TRAF3: variants seen among roughly 807,000 people sequenced by gnomAD.
TRAF3 encodes TNF receptor-associated factor 3.
A neutral mutation model predicts 62.3 loss-of-function variants in TRAF3; 13 were observed. The ratio of observed to expected loss-of-function variants is 0.21; its 90% CI spans 0.14 to 0.33. TRAF3 has a LOEUF of 0.33. TRAF3 is among the 10% of genes least tolerant of loss of function. The pLI, the probability that TRAF3 is intolerant of heterozygous loss-of-function variation, is 1.00. For synonymous variants in TRAF3, 269 were observed against 283.4 expected, an observed-to-expected ratio of 0.95 and a Z score of 0.51; for missense variants, 440 against 741.8, an observed-to-expected ratio of 0.59 and a Z score of 4.73.
At chr14:102,894,146 G>A (rs936404117) in intron 9 of TRAF3, among the ~76,000 whole-genome samples, 1 of 152,118 alleles carries the variant, frequency 6.6e-6, no homozygotes, top group Non-Finnish European at 1.5e-5. Flanking sequence ...GGGCAACACG[G>A]TGAAACCCCG....
chr14:102,839,210 CTTT>C (rs56998347), intron 2 of TRAF3, among the ~76,000 whole-genome samples: 6 of 89,832 alleles, frequency 6.7e-5, no homozygotes, highest in African/African-American at 2.2e-4. Flanking sequence ...GTTGATTTGC[CTTT>C]TTTTTTTTTT....
chr14:102,853,644 C>T (rs8016689), intron 2 of TRAF3, among the ~76,000 whole-genome samples: 63,851 of 151,402 alleles, frequency 0.42, 18,469 homozygotes, highest in African/African-American at 0.82. Flanking sequence ...AGACCAGCCT[C>T]GCCAACATGG....
chr14:102,855,806 A>G, intron 2 of TRAF3, among the ~76,000 whole-genome samples: 1 of 151,810 alleles, frequency 6.6e-6, no homozygotes, highest in Non-Finnish European at 1.5e-5. Context: ...AAAAAAAAAA[A>G]AAAGGCCAGG....
chr14:102,815,815 C>T (rs1045691778), intron 1 of TRAF3, among the ~76,000 whole-genome samples: 4 of 152,074 alleles, frequency 2.6e-5, no homozygotes, highest in African/African-American at 9.7e-5. Context: ...CAAGAAGGAG[C>T]GTGTGTGAGT....
intron 1 of TRAF3, among the ~76,000 whole-genome samples, chr14:102,803,423 C>T (rs977327841): frequency 6.6e-5 from 10 of 152,072 alleles, no homozygotes; most frequent in Admixed American, 2.6e-4. Context: ...AGTTACCTTC[C>T]GTGTGTCTCA....
At chr14:102,901,842 A>G (rs1890319137) in intron 10 of TRAF3, among the ~76,000 whole-genome samples, 1 of 152,262 alleles carries the variant, frequency 6.6e-6, no homozygotes, top group Non-Finnish European at 1.5e-5. Context: ...TTCCAAAAGG[A>G]GAAGTGAATT....
intron 2 of TRAF3, among the ~76,000 whole-genome samples, chr14:102,841,230 G>A (rs1886355251): frequency 6.6e-6 from 1 of 152,204 alleles, no homozygotes. Flanking sequence ...GGAAAACATA[G>A]GAGAGGAGGG....
intron 1 of TRAF3, among the ~76,000 whole-genome samples, chr14:102,805,165 C>T (rs1898693807): frequency 6.6e-6 from 1 of 152,168 alleles, no homozygotes; most frequent in Non-Finnish European, 1.5e-5. Flanking sequence ...TAGTTTTGGT[C>T]TCATTATCAG....
At chr14:102,831,804 A>T (rs1342494930) in intron 2 of TRAF3, among the ~76,000 whole-genome samples, 3 of 152,060 alleles carry the variant, frequency 2.0e-5, no homozygotes, top group African/African-American at 4.8e-5. Flanking sequence ...CAGTTTTATC[A>T]TTCATCATCA....
intron 2 of TRAF3, 124 bp downstream of exon 2, chr14:102,830,596 CCTT>C (rs1900618488): frequency 6.6e-6 from 1 of 152,236 alleles, no homozygotes; most frequent in African/African-American, 2.4e-5. Context: ...TCTTGTCTTC[CCTT>C]CTTCTGGTTA....
At chr14:102,787,875 A>G (rs1897585712) in intron 1 of TRAF3, among the ~76,000 whole-genome samples, 1 of 130,534 alleles carries the variant, frequency 7.7e-6, no homozygotes, top group African/African-American at 2.9e-5. Context: ...TTTTTTTGAG[A>G]TGGAGTCTCC....
At chr14:102,837,687 A>G (rs1886113024) in intron 2 of TRAF3, among the ~76,000 whole-genome samples, 1 of 152,100 alleles carries the variant, frequency 6.6e-6, no homozygotes, top group Non-Finnish European at 1.5e-5. Flanking sequence ...GGATGCATCT[A>G]TTGGGCTTTA....
intron 2 of TRAF3, among the ~76,000 whole-genome samples, chr14:102,844,143 A>G (rs1338493537): frequency 6.6e-6 from 1 of 152,250 alleles, no homozygotes; most frequent in Non-Finnish European, 1.5e-5. Context: ...AAACACATAC[A>G]TATGTTGTCA....
At chr14:102,869,004 C>T (rs534862618) in intron 2 of TRAF3, among the ~76,000 whole-genome samples, 5 of 152,266 alleles carry the variant, frequency 3.3e-5, no homozygotes, top group East Asian at 1.9e-4. Flanking sequence ...GAAGAGAGTC[C>T]GCGCAGACAG....
In TRAF3 at chr14:102,876,344, G is replaced by A. The variant is rs371219336; in HGVS notation, c.403-14G>A. 1.9e-5 allele frequency: 31 copies of A among 1,613,614 alleles called. No homozygotes were observed. In the Admixed American group the frequency reaches 2.8e-4, roughly 15 times the overall value. ...TTTTTCCCAATTAAGAACATTGAAT[G>A]GTCTGTCTTACAGGTGCATTTAAAA... On this transcript the variant is annotated splice_polypyrimidine_tract_variant and intron_variant, in intron 5 of 11. Transcript: ENST00000392745.
At chr14:102,855,804 A>G (rs1468994291) in intron 2 of TRAF3, among the ~76,000 whole-genome samples, 1 of 151,972 alleles carries the variant, frequency 6.6e-6, no homozygotes, top group Non-Finnish European at 1.5e-5. Flanking sequence ...TAAAAAAAAA[A>G]AAAAAGGCCA....
intron 4 of TRAF3, among the ~76,000 whole-genome samples, 154 bp downstream of exon 4, chr14:102,872,122 C>T (rs528267250): frequency 4.7e-4 from 72 of 152,322 alleles, no homozygotes; most frequent in African/African-American, 1.7e-3. Context: ...GCCATGTGAT[C>T]ACCTGGGCAG....
At chr14:102,808,879 G>T (rs1011819704) in intron 1 of TRAF3, 3 of 151,758 alleles carry the variant, frequency 2.0e-5, no homozygotes, top group African/African-American at 4.8e-5. Context: ...GCAGTGGCAC[G>T]ATCTCAGCTC....
At chr14:102,846,638 TAAAAA>T (rs752922791) in intron 2 of TRAF3, among the ~76,000 whole-genome samples, 74 of 71,748 alleles carry the variant, frequency 1.0e-3, no homozygotes, top group African/African-American at 4.3e-3. Flanking sequence ...TCCAGCTTCT[TAAAAA>T]AAAAAAAAAA....
Sources: allele counts gnomAD v4.1 joint callset (sites outside exome capture counted in the v4.1 genomes callset), GRCh38; gene constraint gnomAD v4.1.1; transcripts MANE v1.5; gene names NCBI Gene and HGNC (gene_info 2026-07-23, HGNC 2026-07-21).